The following PIEZO2 variants were observed in gnomAD, a reference collection of about 807,000 sequenced individuals.
PIEZO2 encodes piezo-type mechanosensitive ion channel component 2.
A neutral mutation model predicts 337.3 loss-of-function variants in PIEZO2; 172 were observed. The observed-to-expected ratio is 0.51, with a 90% CI of 0.45 to 0.58. The LOEUF is 0.58. Ranked by LOEUF, PIEZO2 falls within the 20% of genes least tolerant of loss-of-function variation. The probability of loss-of-function intolerance (pLI) is 0.00; values close to 1 mark genes in which losing one functional copy is unlikely to be tolerated. For synonymous variants in PIEZO2, 1,251 were observed against 1,228.5 expected (o/e 1.02, Z -0.38); for missense variants, 3,028 against 3,391.3 (o/e 0.89, Z 2.66).
intron 47 of PIEZO2, 56 bp downstream of exon 47, chr18:10,696,018 C>T: frequency 6.6e-7 from 1 of 1,516,644 alleles, no homozygotes; most frequent in Non-Finnish European, 9.2e-7. Flanking sequence ...AGTATCACCT[C>T]AGGAAACACA....
chr18:11,023,917 G>A (rs1054208177), intron 2 of PIEZO2, among the ~76,000 whole-genome samples: 3 of 152,202 alleles, frequency 2.0e-5, no homozygotes, highest in Non-Finnish European at 4.4e-5. Flanking sequence ...GCCCGGGGCC[G>A]GCAGGACTGG....
chr18:10,796,632 A>G (rs1282545810), intron 12 of PIEZO2, among the ~76,000 whole-genome samples: 1 of 152,252 alleles, frequency 6.6e-6, no homozygotes, highest in Non-Finnish European at 1.5e-5. Flanking sequence ...ACACAATTTT[A>G]CAATCTGTAG....
chr18:11,099,198 TTCAG>T lies in PIEZO2; in HGVS notation c.65-32980_65-32977del, dbSNP rs1447513174. Among the ~76,000 whole-genome samples the T allele has an allele frequency of 1.3e-5, 2 of 152,226 alleles. No individual in the cohort carries two copies. Among genetic ancestry groups the T allele is most frequent in the East Asian group, 3.8e-4 (2 of 5,202 alleles). Reference sequence around the variant, plus strand: ...TTTCACTATTTTTTACAGTCCTGCATTCAGAAGTCTTATAGACATATCTCTGCAC... The same window carrying T: ...TTTCACTATTTTTTACAGTCCTGCATAAGTCTTATAGACATATCTCTGCAC... On this transcript the variant is annotated intron_variant, in intron 1 of 55. Coordinates refer to ENST00000674853, the MANE Select transcript of PIEZO2 (RefSeq NM_001378183.1). The surrounding 1 kb of genome is among the most constrained non-coding windows in gnomAD (Gnocchi z 5.4).
At chr18:10,938,940 A>G (rs1054139176) in intron 3 of PIEZO2, among the ~76,000 whole-genome samples, 1 of 152,112 alleles carries the variant, frequency 6.6e-6, no homozygotes, top group African/African-American at 2.4e-5. Context: ...CAAAAAAATT[A>G]GCCAGGTGTG....
rs996881666 is a variant in PIEZO2 at position 11,028,238 on chromosome 18, C to T, written c.160+37889G>A. On this transcript the variant is annotated intron_variant, in intron 2 of 55. Coordinates refer to ENST00000674853, the MANE Select transcript of PIEZO2 (RefSeq NM_001378183.1). This position sits in a 1 kb window ranked among gnomAD's most constrained non-coding sequence, Gnocchi z 4.8. ...CGCCTTCTTTCTTTTCTTTTCTTTT[C>T]TTCTTCTTCTTCTTTATTTTTTATT... 1.3e-5 allele frequency among the ~76,000 whole-genome samples: 2 copies of T among 151,778 alleles called. No individual in the cohort carries two copies. The highest frequency in any genetic ancestry group is 4.8e-5 in the African/African-American group (2 of 41,324).
At chr18:11,093,444 A>G (rs2039159037) in intron 1 of PIEZO2, among the ~76,000 whole-genome samples, 1 of 152,188 alleles carries the variant, frequency 6.6e-6, no homozygotes, top group Non-Finnish European at 1.5e-5. Context: ...TCTTCTGATG[A>G]TGGGATCAGA....
rs1192870385 is a variant in PIEZO2 at position 11,128,302 on chromosome 18, GA to G, written c.64+20222del. 2.6e-5 allele frequency among the ~76,000 whole-genome samples: 4 copies of G among 152,130 alleles called. No individual in the cohort carries two copies. The highest frequency in any genetic ancestry group is 9.7e-5 in the African/African-American group (4 of 41,406). On this transcript the variant is annotated intron_variant, in intron 1 of 55. Transcript: ENST00000674853. The surrounding 1 kb of genome is among the most constrained non-coding windows in gnomAD (Gnocchi z 4.1). ...TGAGTGAGAGTCTTATCTCCTTAGA[GA>G]AAGAGCTGAAATTGTGGAAAAACAG... is the stretch of plus-strand genomic sequence containing the variant.
rs962977187 is a variant in PIEZO2, at chr18:10,870,736, A to G, written c.492+517T>C. On this transcript the variant is annotated intron_variant, in intron 5 of 55. Coordinates refer to ENST00000674853, the MANE Select transcript of PIEZO2 (RefSeq NM_001378183.1). This position sits in a 1 kb window ranked among gnomAD's most constrained non-coding sequence, Gnocchi z 5.3. ...TTTTTAAAATTCTCACACTTTTCCA[A>G]ATATGTATGTTTTTCCCCCTTGGAG... Among the ~76,000 whole-genome samples the G allele has an allele frequency of 9.9e-5, 15 of 152,088 alleles. No individual in the cohort carries two copies.
intron 2 of PIEZO2, among the ~76,000 whole-genome samples, chr18:11,037,241 C>T (rs759046211): frequency 4.6e-5 from 7 of 152,144 alleles, no homozygotes; most frequent in Non-Finnish European, 7.4e-5. Context: ...GTATGGAATT[C>T]GTTTTGCAAC....
At chr18:10,689,861 C>T (rs1357539963) in intron 48 of PIEZO2, 59 bp from the exon 49 acceptor site, 4 of 1,546,026 alleles carry the variant, frequency 2.6e-6, no homozygotes, top group Non-Finnish European at 2.6e-6. Context: ...CCACCCTGCT[C>T]ACCCAGGAGC....
Position 10,854,908 on chromosome 18 carries a change from T to C in PIEZO2, c.917+445A>G, listed in dbSNP as rs2041659354. 6.6e-6 allele frequency among the ~76,000 whole-genome samples: 1 copy of C among 152,198 alleles called. No individual in the cohort carries two copies. The highest frequency in any genetic ancestry group is 6.5e-5 in the Admixed American group (1 of 15,282). On this transcript the variant is annotated intron_variant, in intron 7 of 55. Coordinates refer to ENST00000674853, the MANE Select transcript of PIEZO2 (RefSeq NM_001378183.1). This position sits in a 1 kb window ranked among gnomAD's most constrained non-coding sequence, Gnocchi z 4.6. ...TTTTTTGTAGAATGGGGTTTCACCA[T>C]GTTGCCCAGGCTGGGACTTTTATTT...
chr18:10,979,131 T>C lies in PIEZO2; in HGVS notation c.286+404A>G, dbSNP rs1007090060. Among the ~76,000 whole-genome samples the C allele has an allele frequency of 5.9e-5, 9 of 152,106 alleles. No individual in the cohort carries two copies. Among genetic ancestry groups the C allele is most frequent in the African/African-American group, 2.2e-4 (9 of 41,452 alleles). On this transcript the variant is annotated intron_variant, in intron 3 of 55. Coordinates refer to ENST00000674853, the MANE Select transcript of PIEZO2 (RefSeq NM_001378183.1). This position sits in a 1 kb window ranked among gnomAD's most constrained non-coding sequence, Gnocchi z 4.0. ...GTTCTTTGTAATAGGATTAATGTCATAGTCATGTAATTTCATATAATATTA... is the reference window on the plus strand; with the variant it reads ...GTTCTTTGTAATAGGATTAATGTCACAGTCATGTAATTTCATATAATATTA...
intron 2 of PIEZO2, among the ~76,000 whole-genome samples, chr18:10,987,169 A>G (rs924468152): frequency 1.3e-5 from 2 of 152,136 alleles, no homozygotes; most frequent in African/African-American, 4.8e-5. Context: ...ATATCTATCA[A>G]AATTCCAATG....
Position 10,887,262 on chromosome 18 carries a change from G to T in PIEZO2, c.330-15847C>A, listed in dbSNP as rs138147635. ...TTTTTTGTATTTTTAGTAGAGACAG[G>T]ATTTCACCTTGTTAGCCACAATGGT... On this transcript the variant is annotated intron_variant, in intron 4 of 55. Coordinates refer to ENST00000674853, the MANE Select transcript of PIEZO2 (RefSeq NM_001378183.1). Among the ~76,000 whole-genome samples the T allele has an allele frequency of 5.5e-3, 833 of 151,866 alleles. 5 individuals are homozygous for T. The highest frequency in any genetic ancestry group is 8.6e-3 in the Non-Finnish European group (582 of 67,958).
chr18:11,074,232 C>A (rs936665), intron 1 of PIEZO2, among the ~76,000 whole-genome samples: 2,229 of 152,144 alleles, frequency 0.015, 24 homozygotes, highest in Non-Finnish European at 0.022. Context: ...TCATAACGAG[C>A]GACCATATTC....
intron 18 of PIEZO2, among the ~76,000 whole-genome samples, chr18:10,779,940 G>A (rs2038921599): frequency 6.6e-6 from 1 of 152,194 alleles, no homozygotes; most frequent in East Asian, 1.9e-4. Flanking sequence ...ATTACTCTTA[G>A]CAGGAATGTT....
chr18:10,864,131 A>G (rs986076271), intron 5 of PIEZO2, among the ~76,000 whole-genome samples: 1 of 152,242 alleles, frequency 6.6e-6, no homozygotes, highest in Non-Finnish European at 1.5e-5. Context: ...ATAGACTAAG[A>G]TGCAAACAAA....
chr18:10,761,940 T>C (rs1026174435), intron 23 of PIEZO2, among the ~76,000 whole-genome samples: 4 of 152,238 alleles, frequency 2.6e-5, no homozygotes, highest in South Asian at 2.1e-4. Context: ...TGTATGACTA[T>C]TTGTACTCGT....
chr18:11,113,444 C>G (rs1258280705), intron 1 of PIEZO2, among the ~76,000 whole-genome samples: 1 of 152,188 alleles, frequency 6.6e-6, no homozygotes, highest in African/African-American at 2.4e-5. Flanking sequence ...TCCTAAAGGG[C>G]CTCCTAAGGA....
Sources: gnomAD v4.1 joint callset for allele counts (sites outside exome capture counted in the v4.1 genomes callset) on GRCh38, gnomAD v4.1.1 for gene constraint, Gnocchi (gnomAD v3.1) non-coding constraint, MANE v1.5 for transcripts, NCBI Gene and HGNC (gene_info 2026-07-23, HGNC 2026-07-21) for gene names.